The following CPE variants were observed in gnomAD, a reference collection of about 807,000 sequenced individuals.
CPE encodes carboxypeptidase E.
Under a neutral mutation model 53.5 loss-of-function variants are expected in CPE, and 17 were observed. That is an observed-to-expected ratio of 0.32 (90% confidence interval 0.22 to 0.48). The LOEUF is 0.48. Ranked by LOEUF, CPE falls within the 20% of genes least tolerant of loss-of-function variation. The probability of loss-of-function intolerance (pLI) is 0.99; values close to 1 mark genes in which losing one functional copy is unlikely to be tolerated. For synonymous variants in CPE, 226 were observed against 228.8 expected (o/e 0.99, Z 0.11); for missense variants, 524 against 614.7 (o/e 0.85, Z 1.56).
chr4:165,392,239 T>C (rs13108022), intron 1 of CPE, among the ~76,000 whole-genome samples: 19 of 146,970 alleles, frequency 1.3e-4, no homozygotes, highest in Admixed American at 1.1e-3. Context: ...ATATATAGTG[T>C]ATATATAGGT....
In CPE at chr4:165,451,503, T is replaced by C. The variant is rs375818911; in HGVS notation, c.308-12887T>C. On this transcript the variant is annotated intron_variant, in intron 1 of 8. Transcript: ENST00000402744. ...TATTATTTATTTATTTATTTATTTA[T>C]TTACTTGAGACAGAGTCTCGCTCCG... is the stretch of plus-strand genomic sequence containing the variant. Among the ~76,000 whole-genome samples, 101 of 152,012 alleles carry C rather than the reference T, an allele frequency of 6.6e-4. 1 individual carries two copies. In the South Asian group the frequency reaches 0.019, roughly 28 times the overall value.
chr4:165,491,626 T>C (rs1351997303), intron 6 of CPE, among the ~76,000 whole-genome samples: 2 of 152,188 alleles, frequency 1.3e-5, no homozygotes, highest in Non-Finnish European at 2.9e-5. Context: ...TTTAAAAATA[T>C]ATTTACTCTA....
In CPE at chr4:165,379,550, A is replaced by T; in HGVS notation, c.307+22A>T. 7.5e-7 allele frequency: 1 copy of T among 1,328,472 alleles called. No individual in the cohort carries two copies. 82.3% of individuals were successfully genotyped at this position (1,328,472 alleles called of 1,614,324 possible). A position where few individuals can be genotyped will look rare whatever the true frequency, so the allele number is the denominator to read the frequency against. ...CCTGGTAAGGGCGCTGCCCCCTGACAGCCCTGGGGGCATCCCGGAGGGGGG... is the reference window on the plus strand; with the variant it reads ...CCTGGTAAGGGCGCTGCCCCCTGACTGCCCTGGGGGCATCCCGGAGGGGGG... On this transcript the variant is annotated intron_variant, in intron 1 of 8. Coordinates refer to ENST00000402744, the MANE Select transcript of CPE (RefSeq NM_001873.4). The surrounding 1 kb of genome is among the most constrained non-coding windows in gnomAD (Gnocchi z 6.0).
At chr4:165,402,029 A>G (rs573719162) in intron 1 of CPE, among the ~76,000 whole-genome samples, 1 of 152,320 alleles carries the variant, frequency 6.6e-6, no homozygotes, top group South Asian at 2.1e-4. Flanking sequence ...ATAAATGGAC[A>G]GATTATTTTA....
At chr4:165,421,892 T>A (rs1473864948) in intron 1 of CPE, among the ~76,000 whole-genome samples, 1 of 152,216 alleles carries the variant, frequency 6.6e-6, no homozygotes, top group African/African-American at 2.4e-5. Context: ...TTTAACCTAA[T>A]TAATTATTTC....
In CPE at chr4:165,481,014, ATATTT is replaced by A. The variant is rs1266771634; in HGVS notation, c.673-1226_673-1222del. The stretch of plus-strand genomic sequence containing the variant: ...ACAATGGATATATATATATATATAT[ATATTT>A]TTTTTTTTTTTTTTAGCAAAAATAA... On this transcript the variant is annotated intron_variant, in intron 3 of 8. Coordinates refer to ENST00000402744, the MANE Select transcript of CPE (RefSeq NM_001873.4). 4.7e-4 allele frequency among the ~76,000 whole-genome samples: 25 copies of A among 53,008 alleles called. No individual in the cohort carries two copies. The South Asian group carries it at 5.0e-3, about 10-fold the overall frequency. 34.8% of individuals were successfully genotyped at this position (53,008 alleles called of 152,430 possible).
intron 1 of CPE, among the ~76,000 whole-genome samples, chr4:165,428,713 GT>G (rs1413155429): frequency 3.3e-5 from 5 of 152,114 alleles, no homozygotes; most frequent in Admixed American, 3.3e-4. Context: ...CCAGCTCCTG[GT>G]GGGTGCCAGC....
intron 1 of CPE, among the ~76,000 whole-genome samples, chr4:165,421,387 T>C (rs1470599474): frequency 6.6e-6 from 1 of 152,220 alleles, no homozygotes; most frequent in African/African-American, 2.4e-5. Flanking sequence ...ATCTCTTCTA[T>C]GTTTGGTCAG....
At chr4:165,410,997 A>G (rs1214553381) in intron 1 of CPE, among the ~76,000 whole-genome samples, 1 of 152,198 alleles carries the variant, frequency 6.6e-6, no homozygotes, top group Non-Finnish European at 1.5e-5. Context: ...ACCAGAGAGC[A>G]TGCTGAATGG....
intron 1 of CPE, among the ~76,000 whole-genome samples, chr4:165,417,769 T>G (rs1444686795): frequency 7.0e-6 from 1 of 142,578 alleles, no homozygotes; most frequent in Non-Finnish European, 1.5e-5. Flanking sequence ...TAATATTTTG[T>G]CTGTCTTAAA....
At chr4:165,442,073 A>T in intron 1 of CPE, among the ~76,000 whole-genome samples, 1 of 112,458 alleles carries the variant, frequency 8.9e-6, no homozygotes, top group Non-Finnish European at 1.6e-5. Context: ...GACAGGGTCT[A>T]GCTCTGTCAC....
At chr4:165,491,713 T>A (rs936225973) in intron 6 of CPE, among the ~76,000 whole-genome samples, 1 of 152,230 alleles carries the variant, frequency 6.6e-6, no homozygotes, top group Non-Finnish European at 1.5e-5. Flanking sequence ...GTTATTTTTA[T>A]AGGGTGTGAG....
intron 1 of CPE, among the ~76,000 whole-genome samples, chr4:165,442,039 T>C (rs1175704579): frequency 2.0e-5 from 2 of 101,620 alleles, no homozygotes; most frequent in Admixed American, 1.8e-4. Flanking sequence ...TTTTTTTGTT[T>C]TTTTTTTGTT....
chr4:165,494,299 A>C (rs1471714021), intron 7 of CPE, among the ~76,000 whole-genome samples: 2 of 152,222 alleles, frequency 1.3e-5, no homozygotes, highest in Non-Finnish European at 2.9e-5. Flanking sequence ...TTTTCTCTAC[A>C]TTCCATGATG....
rs1240640140 is a variant in CPE at position 165,498,371 on chromosome 4, A to T, written c.*761A>T. 1.3e-5 allele frequency: 2 copies of T among 152,180 alleles called. No homozygotes were observed. The highest frequency in any genetic ancestry group is 4.8e-5 in the African/African-American group (2 of 41,448). The allele number at this position is 152,180 out of a possible 1,614,324, so 9.4% of individuals were successfully genotyped here. A position where few individuals can be genotyped will look rare whatever the true frequency, so the allele number is the denominator to read the frequency against. On this transcript the variant is annotated 3_prime_UTR_variant, in exon 9 of 9. Transcript: ENST00000402744. ...ATTTTTGGTCTGGCATTGTGGTCTT[A>T]TGATGAAAACATGTATCCTCTTAAT...
At chr4:165,425,193 T>C (rs1045971817) in intron 1 of CPE, among the ~76,000 whole-genome samples, 1 of 152,158 alleles carries the variant, frequency 6.6e-6, no homozygotes, top group Non-Finnish European at 1.5e-5. Flanking sequence ...TTCTTTTTAA[T>C]TCCACTGTTG....
chr4:165,496,840 C>T (rs1046352713), intron 8 of CPE, among the ~76,000 whole-genome samples: 1 of 152,228 alleles, frequency 6.6e-6, no homozygotes, highest in African/African-American at 2.4e-5. Flanking sequence ...CATTCCCTCC[C>T]ACATTAGGAA....
At chr4:165,486,678 G>C (rs1308662527) in intron 5 of CPE, among the ~76,000 whole-genome samples, 1 of 152,100 alleles carries the variant, frequency 6.6e-6, no homozygotes, top group Non-Finnish European at 1.5e-5. Context: ...AGGCACCCCA[G>C]CCCACCAGAC....
chr4:165,441,469 C>G (rs1361307023), intron 1 of CPE, among the ~76,000 whole-genome samples: 4 of 152,104 alleles, frequency 2.6e-5, no homozygotes, highest in African/African-American at 9.7e-5. Context: ...CACTGTGGTA[C>G]TGGGGTTTTG....
Sources: gnomAD v4.1 joint callset for allele counts (sites outside exome capture counted in the v4.1 genomes callset) on GRCh38, gnomAD v4.1.1 for gene constraint, Gnocchi (gnomAD v3.1) non-coding constraint, MANE v1.5 for transcripts, NCBI Gene and HGNC (gene_info 2026-07-23, HGNC 2026-07-21) for gene names.